Variants in AMD1 observed in about 807,000 individuals in gnomAD.
AMD1 encodes S-adenosylmethionine decarboxylase proenzyme.
In AMD1, 11 loss-of-function variants were observed where a neutral mutation model predicts 40.2. The observed-to-expected ratio is 0.27, with a 90% CI of 0.17 to 0.45. AMD1 has a LOEUF of 0.45. Ranked by LOEUF, AMD1 falls within the 20% of genes least tolerant of loss-of-function variation. The pLI, the probability that AMD1 is intolerant of heterozygous loss-of-function variation, is 1.00. For synonymous variants in AMD1, 121 were observed against 130.8 expected (o/e 0.93, Z 0.51); for missense variants, 257 against 410.2 (o/e 0.63, Z 3.23).
At chr6:110,879,628 T>C (rs928939994) in intron 1 of AMD1, among the ~76,000 whole-genome samples, 1 of 152,154 alleles carries the variant, frequency 6.6e-6, no homozygotes, top group Admixed American at 6.6e-5. Context: ...TAGGATGCCT[T>C]TTACCTAAAG....
the AMD1 span, among the ~76,000 whole-genome samples, chr6:110,831,215 A>C: frequency 8.5e-4 from 130 of 152,146 alleles, 1 homozygote; most frequent in Non-Finnish European, 1.6e-3. Context: ...CAAGGCGGGC[A>C]GATCACGAAG....
At chr6:110,886,015 G>T (rs1583217878) in intron 1 of AMD1, among the ~76,000 whole-genome samples, 1 of 152,318 alleles carries the variant, frequency 6.6e-6, no homozygotes, top group East Asian at 1.9e-4. Context: ...AGCACTTTGG[G>T]AGGCCGAGGC....
chr6:110,885,260 C>G (rs1785618364), intron 1 of AMD1, among the ~76,000 whole-genome samples: 1 of 151,838 alleles, frequency 6.6e-6, no homozygotes, highest in African/African-American at 2.4e-5. Context: ...TATAGACGCC[C>G]ACCACTACGC....
At chr6:110,827,868 C>A in the AMD1 span, among the ~76,000 whole-genome samples, 1 of 151,468 alleles carries the variant, frequency 6.6e-6, no homozygotes, top group East Asian at 1.9e-4. Flanking sequence ...ACATGTTAGA[C>A]AAATTTCATT....
chr6:110,875,995 A>G (rs1317614859), intron 1 of AMD1, among the ~76,000 whole-genome samples: 5 of 151,998 alleles, frequency 3.3e-5, no homozygotes, highest in Admixed American at 2.6e-4. Context: ...GTAACCTGCT[A>G]CGGAGCCGGC....
chr6:110,890,013 A>AAG lies in AMD1; in HGVS notation c.325-225_325-224dup, dbSNP rs143903348. The AAG allele has an allele frequency of 1.1e-3, 426 of 374,668 alleles. 1 individual carries two copies. The highest frequency in any genetic ancestry group is 3.0e-3 in the African/African-American group (138 of 46,490). 23.2% of individuals were successfully genotyped at this position (374,668 alleles called of 1,614,324 possible). A position where few individuals can be genotyped will look rare whatever the true frequency, so the allele number is the denominator to read the frequency against. ...TCACTAGACTGGGCTTTTTAAAAAAAAGAGAGAGAGAGAGAGATGGGGCCT... is the reference window on the plus strand; with the variant it reads ...TCACTAGACTGGGCTTTTTAAAAAAAAGAGAGAGAGAGAGAGAGATGGGGCCT... On this transcript the variant is annotated intron_variant, in intron 3 of 8. Transcript: ENST00000368885.
chr6:110,877,601 T>TTCA (rs1268946391), intron 1 of AMD1, among the ~76,000 whole-genome samples: 1 of 152,272 alleles, frequency 6.6e-6, no homozygotes, highest in African/African-American at 2.4e-5. Context: ...CAGCATTTAA[T>TTCA]AGCTGTGTGA....
chr6:110,874,074 C>A (rs1435714790), upstream of AMD1, among the ~76,000 whole-genome samples: 1 of 152,234 alleles, frequency 6.6e-6, no homozygotes, highest in Non-Finnish European at 1.5e-5. Context: ...CATGGCGAGC[C>A]ACACGGTGGG....
chr6:110,841,588 G>C, the AMD1 span, among the ~76,000 whole-genome samples: 1 of 151,710 alleles, frequency 6.6e-6, no homozygotes, highest in Admixed American at 6.6e-5. Flanking sequence ...CTGGCCAGTC[G>C]AGTTAAGTTT....
the AMD1 span, among the ~76,000 whole-genome samples, chr6:110,830,593 T>C: frequency 2.0e-5 from 3 of 152,244 alleles, no homozygotes; most frequent in Non-Finnish European, 4.4e-5. Flanking sequence ...TAAATATGAC[T>C]GCAGAACTGC....
chr6:110,815,405 ATTTCC>A, the AMD1 span: 1 of 298,210 alleles, frequency 3.4e-6, no homozygotes, highest in Non-Finnish European at 6.1e-6. Flanking sequence ...TCCCTCCTTC[ATTTCC>A]TTGTTTTGGA....
Position 110,892,312 on chromosome 6 carries a change from C to T in AMD1, c.484C>T (p.Leu162=). 1 of 1,613,844 alleles carries T rather than the reference C, an allele frequency of 6.2e-7. No individual in the cohort carries two copies. Among genetic ancestry groups the T allele is most frequent in the Non-Finnish European group, 8.5e-7 (1 of 1,180,032 alleles). ...MNSDCWYLYT[L]DFPESRVISQ... Reference sequence around the variant, plus strand: ...ATTTTTATTTAGGTACTTATATACTCTGGATTTCCCAGAGAGTCGGGTAAT... The same window carrying T: ...ATTTTTATTTAGGTACTTATATACTTTGGATTTCCCAGAGAGTCGGGTAAT... The change falls in exon 6 of 9, where the codon CTG becomes TTG. Residue 162 remains leucine, a synonymous_variant. Transcript: ENST00000368885.
At chr6:110,841,609 G>T in the AMD1 span, among the ~76,000 whole-genome samples, 2 of 151,748 alleles carry the variant, frequency 1.3e-5, no homozygotes, top group Admixed American at 1.3e-4. Flanking sequence ...AGATTGTGCG[G>T]TCTGGCTCCA....
chr6:110,858,878 A>T, the AMD1 span: 9 of 808,436 alleles, frequency 1.1e-5, no homozygotes, highest in Middle Eastern at 2.3e-4. Flanking sequence ...GGGTACAAAC[A>T]AGTGTGCCAG....
the AMD1 span, among the ~76,000 whole-genome samples, chr6:110,851,799 C>A: frequency 6.6e-6 from 1 of 152,038 alleles, no homozygotes; most frequent in Non-Finnish European, 1.5e-5. Context: ...TTTAACATCA[C>A]CCCAGCTTGT....
chr6:110,828,843 A>G, the AMD1 span, among the ~76,000 whole-genome samples: 4 of 152,144 alleles, frequency 2.6e-5, no homozygotes, highest in Non-Finnish European at 4.4e-5. Context: ...CCTCCCCTCA[A>G]CTAGGTTGGG....
At chr6:110,892,659 C>A in intron 6 of AMD1, 76 bp from the exon 7 acceptor site, 1 of 1,543,864 alleles carries the variant, frequency 6.5e-7, no homozygotes, top group African/African-American at 1.4e-5. Flanking sequence ...CTTCTCCCAC[C>A]CTGGGACTAA....
chr6:110,840,966 T>A, the AMD1 span, among the ~76,000 whole-genome samples: 9 of 152,340 alleles, frequency 5.9e-5, no homozygotes, highest in African/African-American at 2.2e-4. Context: ...AGGCACTCTT[T>A]TATAATGTTT....
At chr6:110,839,102 A>T in the AMD1 span, among the ~76,000 whole-genome samples, 2 of 152,106 alleles carry the variant, frequency 1.3e-5, no homozygotes, top group African/African-American at 4.8e-5. Context: ...TTTTTTGTAT[A>T]TCTCTAGTAT....
Sources: gnomAD v4.1 joint callset for allele counts (sites outside exome capture counted in the v4.1 genomes callset) on GRCh38, gnomAD v4.1.1 for gene constraint, MANE v1.5 for transcripts, NCBI Gene and HGNC (gene_info 2026-07-23, HGNC 2026-07-21) for gene names.